CXCL13: variants seen among roughly 807,000 people sequenced by gnomAD.
CXCL13 encodes C-X-C motif chemokine ligand 13.
CXCL13 carries 7 observed loss-of-function variants against 12.2 expected under a neutral mutation model. The observed-to-expected ratio is 0.57, with a 90% CI of 0.33 to 1.07. The LOEUF is 1.07. Ranked by LOEUF, CXCL13 falls within the 50% of genes least tolerant of loss-of-function variation. The pLI, the probability that CXCL13 is intolerant of heterozygous loss-of-function variation, is 0.04. For missense variants in CXCL13, 113 were observed against 127.4 expected, an observed-to-expected ratio of 0.89 and a Z score of 0.55; for synonymous variants, 47 against 42.4, an observed-to-expected ratio of 1.11 and a Z score of -0.42.
chr4:77,587,160 A>T (rs1726494032), intron 1 of CXCL13, among the ~76,000 whole-genome samples: 1 of 152,206 alleles, frequency 6.6e-6, no homozygotes, highest in Non-Finnish European at 1.5e-5. Context: ...GCTCTGAACA[A>T]TATCCGGTAA....
At chr4:77,519,872 A>G (rs1363595368) in intron 1 of CXCL13, among the ~76,000 whole-genome samples, 3 of 152,194 alleles carry the variant, frequency 2.0e-5, no homozygotes, top group Non-Finnish European at 2.9e-5. Context: ...TCTTTAATCC[A>G]TCTTGAATTA....
At chr4:77,550,017 G>T (rs527956573) in intron 1 of CXCL13, among the ~76,000 whole-genome samples, 13 of 152,212 alleles carry the variant, frequency 8.5e-5, no homozygotes, top group Non-Finnish European at 1.8e-4. Flanking sequence ...CTTCCTAGCT[G>T]CTTTGTTTAC....
chr4:77,514,092 G>C (rs1417006943), intron 1 of CXCL13, among the ~76,000 whole-genome samples: 2 of 151,814 alleles, frequency 1.3e-5, no homozygotes, highest in Non-Finnish European at 2.9e-5. Context: ...TACTGAGAAT[G>C]ATGATTTCCA....
intron 1 of CXCL13, among the ~76,000 whole-genome samples, chr4:77,549,223 A>T (rs1319123525): frequency 6.6e-6 from 1 of 152,132 alleles, no homozygotes; most frequent in Non-Finnish European, 1.5e-5. Context: ...TGCTTATCCT[A>T]GTTAGCCATT....
At chr4:77,531,660 A>C (rs186551087) in intron 1 of CXCL13, among the ~76,000 whole-genome samples, 1 of 152,114 alleles carries the variant, frequency 6.6e-6, no homozygotes, top group Non-Finnish European at 1.5e-5. Context: ...AAAGTCTCCC[A>C]TTATTATTGT....
intron 2 of CXCL13, among the ~76,000 whole-genome samples, chr4:77,609,925 AAGT>A (rs1727104589): frequency 6.6e-6 from 1 of 152,224 alleles, no homozygotes; most frequent in African/African-American, 2.4e-5. Context: ...GAAGGTAAGG[AAGT>A]AATAATTTCT....
At chr4:77,521,455 G>A (rs746766103) in intron 1 of CXCL13, among the ~76,000 whole-genome samples, 1 of 152,150 alleles carries the variant, frequency 6.6e-6, no homozygotes, top group Non-Finnish European at 1.5e-5. Flanking sequence ...GAGGGTGTAT[G>A]TGTCCAGGAA....
chr4:77,599,175 AC>A (rs1458422187), intron 1 of CXCL13, among the ~76,000 whole-genome samples: 2 of 152,158 alleles, frequency 1.3e-5, no homozygotes, highest in African/African-American at 4.8e-5. Context: ...AGGAAAAAAA[AC>A]ATTAACAATA....
chr4:77,515,089 T>C (rs1223020245), intron 1 of CXCL13, among the ~76,000 whole-genome samples: 1 of 152,208 alleles, frequency 6.6e-6, no homozygotes, highest in Non-Finnish European at 1.5e-5. Context: ...CTTGTTTTTG[T>C]CAGGTTTGTC....
At chr4:77,573,632 T>A (rs903836031) in intron 1 of CXCL13, among the ~76,000 whole-genome samples, 2 of 151,838 alleles carry the variant, frequency 1.3e-5, no homozygotes, top group Non-Finnish European at 2.9e-5. Context: ...TTAAAAAAAA[T>A]TGGCCAATTC....
chr4:77,587,751 A>G (rs1446228406), intron 1 of CXCL13, among the ~76,000 whole-genome samples: 1 of 152,246 alleles, frequency 6.6e-6, no homozygotes, highest in African/African-American at 2.4e-5. Context: ...AGTCGAAGTC[A>G]GTCTGTCTTT....
intron 1 of CXCL13, among the ~76,000 whole-genome samples, chr4:77,525,916 G>T (rs1222164652): frequency 9.1e-4 from 125 of 137,214 alleles, no homozygotes; most frequent in Non-Finnish European, 1.5e-3. Flanking sequence ...TAAATTGTGG[G>T]TTTGTTTTTT....
Position 77,611,078 on chromosome 4 carries a change from T to C in CXCL13, c.*39T>C, listed in dbSNP as rs1052563. 0.092 allele frequency: 139,738 copies of C among 1,523,520 alleles called. 7,229 individuals are homozygous for C. The highest frequency in any genetic ancestry group is 0.12 in the Middle Eastern group (705 of 5,868). The allele number at this position is 1,523,520 out of a possible 1,614,324, so 94.4% of individuals were successfully genotyped here. A position where few individuals can be genotyped will look rare whatever the true frequency, so the allele number is the denominator to read the frequency against. On this transcript the variant is annotated 3_prime_UTR_variant, in exon 4 of 4. Transcript: ENST00000682537. ...ACTAAGAACACCTGCATTCTTCCCT[T>C]ATCCCTGCTCTGGATTTTAGTTTTG... is the stretch of plus-strand genomic sequence containing the variant.
intron 1 of CXCL13, among the ~76,000 whole-genome samples, chr4:77,556,338 A>T (rs1208963781): frequency 6.6e-6 from 1 of 152,198 alleles, no homozygotes; most frequent in Non-Finnish European, 1.5e-5. Flanking sequence ...AGGAAGCCAG[A>T]CACAAAAGAA....
At chr4:77,551,203 T>C (rs147943671) in intron 1 of CXCL13, among the ~76,000 whole-genome samples, 49 of 152,318 alleles carry the variant, frequency 3.2e-4, no homozygotes, top group Middle Eastern at 3.4e-3. Flanking sequence ...ATTGTGTGGT[T>C]GGTTTATAGG....
chr4:77,602,461 C>A (rs981191201), upstream of CXCL13, among the ~76,000 whole-genome samples: 1 of 152,180 alleles, frequency 6.6e-6, no homozygotes, highest in African/African-American at 2.4e-5. Context: ...AGACCAGGCC[C>A]ATGCATTCAA....
At chr4:77,584,279 A>T (rs1275376451) in intron 1 of CXCL13, among the ~76,000 whole-genome samples, 1 of 152,116 alleles carries the variant, frequency 6.6e-6, no homozygotes, top group Non-Finnish European at 1.5e-5. Context: ...CTCTCACATC[A>T]CAGTTCTGTT....
At chr4:77,556,655 A>AAAACTTTAT (rs1725667311) in intron 1 of CXCL13, among the ~76,000 whole-genome samples, 8 of 152,206 alleles carry the variant, frequency 5.3e-5, no homozygotes, top group African/African-American at 7.2e-5. Flanking sequence ...ACTAAAATAT[A>AAAACTTTAT]AAGTTTAAGA....
At chr4:77,553,827 T>C (rs567886941) in intron 1 of CXCL13, among the ~76,000 whole-genome samples, 11 of 152,290 alleles carry the variant, frequency 7.2e-5, no homozygotes, top group African/African-American at 2.6e-4. Flanking sequence ...AAATTTTTTT[T>C]TAAAAAGCAA....
Sources: gnomAD v4.1 joint callset for allele counts (sites outside exome capture counted in the v4.1 genomes callset) on GRCh38, gnomAD v4.1.1 for gene constraint, MANE v1.5 for transcripts, NCBI Gene and HGNC (gene_info 2026-07-23, HGNC 2026-07-21) for gene names.